The following AFF3 variants were observed in gnomAD, a reference collection of about 807,000 sequenced individuals.
The protein encoded by AFF3 is ALF transcription elongation factor 3, also known as AF4/FMR2 family member 3.
In AFF3, 32 loss-of-function variants were observed where a neutral mutation model predicts 129.7. The observed-to-expected ratio is 0.25, with a 90% CI of 0.19 to 0.33. The LOEUF is 0.33. AFF3 is among the 10% of genes least tolerant of loss of function. The pLI, the probability that AFF3 is intolerant of heterozygous loss-of-function variation, is 1.00. For synonymous variants in AFF3, 644 were observed against 635.4 expected (o/e 1.01, Z -0.20); for missense variants, 1,373 against 1,592.0 (o/e 0.86, Z 2.34).
intron 7 of AFF3, among the ~76,000 whole-genome samples, chr2:99,894,471 T>C (rs1693789809): frequency 7.1e-6 from 1 of 141,050 alleles, no homozygotes; most frequent in Non-Finnish European, 1.6e-5. Flanking sequence ...GCGTCAGGAA[T>C]TTTTTTTTTT....
chr2:99,638,559 C>T (rs1418249682), intron 13 of AFF3, among the ~76,000 whole-genome samples: 2 of 152,094 alleles, frequency 1.3e-5, no homozygotes, highest in Admixed American at 6.5e-5. Flanking sequence ...GCCCAGCTGT[C>T]CCCCCGCCCA....
At chr2:99,806,574 A>C (rs1011066498) in intron 8 of AFF3, among the ~76,000 whole-genome samples, 4 of 152,144 alleles carry the variant, frequency 2.6e-5, no homozygotes, top group Admixed American at 2.6e-4. Flanking sequence ...GATGGGGGGA[A>C]ATCCCAGTTG....
intron 11 of AFF3, among the ~76,000 whole-genome samples, chr2:99,679,842 T>C (rs1457055137): frequency 6.6e-6 from 1 of 152,228 alleles, no homozygotes; most frequent in Non-Finnish European, 1.5e-5. Context: ...TATCCTCTTA[T>C]TGGTCTGAAT....
chr2:100,023,607 C>T (rs1683777201), intron 4 of AFF3, among the ~76,000 whole-genome samples: 1 of 152,020 alleles, frequency 6.6e-6, no homozygotes, highest in Non-Finnish European at 1.5e-5. Flanking sequence ...CAAGGAGCCC[C>T]CTCTACCTCC....
intron 7 of AFF3, among the ~76,000 whole-genome samples, chr2:99,949,694 G>A (rs929025275): frequency 6.6e-6 from 1 of 152,148 alleles, no homozygotes; most frequent in African/African-American, 2.4e-5. Context: ...TAATACTGCT[G>A]CTAATGTGAG....
intron 4 of AFF3, among the ~76,000 whole-genome samples, chr2:100,093,797 G>A (rs1436582899): frequency 6.6e-6 from 1 of 152,146 alleles, no homozygotes; most frequent in Non-Finnish European, 1.5e-5. Flanking sequence ...CGCCGCACGT[G>A]ATGATCACTG....
rs1679728970 is a variant in AFF3, at chr2:99,984,876, T to C, written c.873+21756A>G. 5.3e-5 allele frequency among the ~76,000 whole-genome samples: 8 copies of C among 152,220 alleles called. No homozygotes were observed. The South Asian group carries it at 1.7e-3, about 32-fold the overall frequency. ...AGATAAAACCACCCTGCTGTGTAGA[T>C]TTAGTCCATTTGCACTGGCTCTCAG... On this transcript the variant is annotated intron_variant, in intron 7 of 24. Coordinates refer to ENST00000672756, the MANE Select transcript of AFF3 (RefSeq NM_001386135.1).
At chr2:99,562,193 G>T (rs1675536633) in intron 20 of AFF3, among the ~76,000 whole-genome samples, 1 of 152,174 alleles carries the variant, frequency 6.6e-6, no homozygotes, top group Non-Finnish European at 1.5e-5. Flanking sequence ...AAATCTGTAG[G>T]TTTATGTCTT....
At chr2:100,068,121 T>C (rs1687875096) in intron 4 of AFF3, among the ~76,000 whole-genome samples, 1 of 152,190 alleles carries the variant, frequency 6.6e-6, no homozygotes, top group African/African-American at 2.4e-5. Context: ...CTACGTGGAA[T>C]TGAGACGCCA....
chr2:99,936,803 G>A (rs1196336705), intron 7 of AFF3, among the ~76,000 whole-genome samples: 1 of 152,184 alleles, frequency 6.6e-6, no homozygotes, highest in African/African-American at 2.4e-5. Context: ...TCTTCCTTCA[G>A]TAAGTATTGT....
At chr2:99,789,446 CAAAAAAAAAAAAA>C (rs34653301) in intron 8 of AFF3, among the ~76,000 whole-genome samples, 1 of 62,060 alleles carries the variant, frequency 1.6e-5, no homozygotes, top group Non-Finnish European at 2.8e-5. Context: ...GCCCTGTCAC[CAAAAAAAAAAAAA>C]AAAAAAAAAA....
At chr2:99,970,960 A>G (rs1427544388) in intron 7 of AFF3, among the ~76,000 whole-genome samples, 1 of 152,186 alleles carries the variant, frequency 6.6e-6, no homozygotes, top group Non-Finnish European at 1.5e-5. Context: ...CGTCTATAAT[A>G]CGAGCATTGA....
At chr2:100,108,908 CTTTTTTTTT>C (rs34769933) in intron 2 of AFF3, among the ~76,000 whole-genome samples, 4 of 88,108 alleles carry the variant, frequency 4.5e-5, no homozygotes, top group African/African-American at 8.7e-5. Flanking sequence ...CATTTCTTTC[CTTTTTTTTT>C]TTTTTTTTTT....
intron 18 of AFF3, among the ~76,000 whole-genome samples, chr2:99,574,264 A>T (rs1034624673): frequency 4.6e-5 from 7 of 152,180 alleles, no homozygotes; most frequent in Non-Finnish European, 8.8e-5. Flanking sequence ...CGTTTGCTTA[A>T]TGTCAGGGGA....
chr2:99,592,797 A>T (rs1678819127), intron 15 of AFF3, among the ~76,000 whole-genome samples: 2 of 152,018 alleles, frequency 1.3e-5, no homozygotes, highest in Non-Finnish European at 2.9e-5. Flanking sequence ...TTAGCTGGGC[A>T]TGGTGGTGGA....
At chr2:99,554,185 A>AT (rs1674695748) in intron 24 of AFF3, 126 bp downstream of exon 24, 1 of 1,004,844 alleles carries the variant, frequency 1.0e-6, no homozygotes, top group Non-Finnish European at 1.5e-6. Context: ...AATGCCTGAT[A>AT]TAATGTCAAA....
intron 8 of AFF3, among the ~76,000 whole-genome samples, chr2:99,813,331 C>T (rs1686943398): frequency 6.6e-6 from 1 of 152,176 alleles, no homozygotes; most frequent in Non-Finnish European, 1.5e-5. Context: ...GATTTTTATA[C>T]CAGTTTTATT....
At chr2:99,839,576 C>A (rs1233113637) in intron 7 of AFF3, among the ~76,000 whole-genome samples, 1 of 149,866 alleles carries the variant, frequency 6.7e-6, no homozygotes, top group Non-Finnish European at 1.5e-5. Context: ...AATGATGTCT[C>A]ATTGTGGCTT....
intron 7 of AFF3, among the ~76,000 whole-genome samples, chr2:99,978,029 A>G (rs1679048297): frequency 6.6e-6 from 1 of 152,180 alleles, no homozygotes; most frequent in Non-Finnish European, 1.5e-5. Flanking sequence ...ACTCCACACT[A>G]GTCTGTAAAA....
Sources: allele counts gnomAD v4.1 joint callset (sites outside exome capture counted in the v4.1 genomes callset), GRCh38; gene constraint gnomAD v4.1.1; transcripts MANE v1.5; gene names NCBI Gene and HGNC (gene_info 2026-07-23, HGNC 2026-07-21).